Variants in ABLIM2 observed in about 807,000 individuals in gnomAD.
The protein encoded by ABLIM2 is actin-binding LIM protein 2.
ABLIM2 carries 53 observed loss-of-function variants against 97.7 expected under a neutral mutation model. The ratio of observed to expected loss-of-function variants is 0.54; its 90% CI spans 0.44 to 0.68. The LOEUF is 0.68. Among genes scored for constraint, ABLIM2 ranks in the 30% least tolerant of loss-of-function variants. The pLI is 0.00. For missense variants in ABLIM2, 835 were observed against 867.2 expected (o/e 0.96, Z 0.47); for synonymous variants, 361 against 345.8 (o/e 1.04, Z -0.49).
In ABLIM2 at chr4:8,158,796, C is replaced by G; in HGVS notation, c.-107G>C. ...CCTCCGCCCGCCCGCCGGCTCCGCG[C>G]CCGCTCCTTGCGCACACGCCAGGCA... On this transcript the variant is annotated 5_prime_UTR_variant, in exon 1 of 21. Transcript: ENST00000447017. 9.4e-7 allele frequency: 1 copy of G among 1,067,214 alleles called. No homozygotes were observed. Among genetic ancestry groups the G allele is most frequent in the Non-Finnish European group, 1.2e-6 (1 of 846,756 alleles). The allele number at this position is 1,067,214 out of a possible 1,614,324, so 66.1% of individuals were successfully genotyped here.
intron 8 of ABLIM2, among the ~76,000 whole-genome samples, chr4:8,049,837 C>T (rs913756687): frequency 4.6e-5 from 7 of 152,206 alleles, no homozygotes; most frequent in East Asian, 1.9e-4. Flanking sequence ...AAGCGATTCT[C>T]GTGCCTCAGC....
intron 2 of ABLIM2, among the ~76,000 whole-genome samples, chr4:8,105,494 C>T (rs1010935292): frequency 5.9e-5 from 9 of 152,182 alleles, no homozygotes; most frequent in South Asian, 2.1e-4. Context: ...GGATGGGGGC[C>T]GTGCAACGCC....
rs796877068 is a variant in ABLIM2, at chr4:8,003,561, C to CTTTTTTTT, written c.1618+4490_1618+4497dup. ...ACCACTACGCTCTTCTTCCAGTTTTCTTTTTTTTTTTTTTTTTTTTTGGAG... is the reference window on the plus strand; with the variant it reads ...ACCACTACGCTCTTCTTCCAGTTTTCTTTTTTTTTTTTTTTTTTTTTTTTTTTTTGGAG... On this transcript the variant is annotated intron_variant, in intron 16 of 20. Transcript: ENST00000447017. This position sits in a 1 kb window ranked among gnomAD's most constrained non-coding sequence, Gnocchi z 4.2. Among the ~76,000 whole-genome samples, 2 of 120,200 alleles carry CTTTTTTTT rather than the reference C, an allele frequency of 1.7e-5. No homozygotes were observed. Among genetic ancestry groups the CTTTTTTTT allele is most frequent in the Admixed American group, 8.6e-5 (1 of 11,664 alleles). 78.9% of individuals were successfully genotyped at this position (120,200 alleles called of 152,430 possible).
intron 4 of ABLIM2, among the ~76,000 whole-genome samples, chr4:8,081,374 C>A (rs1323723868): frequency 6.6e-6 from 1 of 152,204 alleles, no homozygotes; most frequent in Non-Finnish European, 1.5e-5. Context: ...GCCGTGCCTG[C>A]CCTGCTCACT....
intron 9 of ABLIM2, among the ~76,000 whole-genome samples, chr4:8,036,530 T>A (rs968503189): frequency 1.3e-5 from 2 of 151,924 alleles, no homozygotes; most frequent in South Asian, 2.1e-4. Context: ...TTGGGCAGAG[T>A]CTGAGCTCAC....
At chr4:7,978,169 G>A (rs141891730) in intron 20 of ABLIM2, among the ~76,000 whole-genome samples, 117 of 152,238 alleles carry the variant, frequency 7.7e-4, no homozygotes, top group African/African-American at 2.5e-3. Flanking sequence ...GGAGGTGGCC[G>A]CTCCTGCACC....
Position 8,094,460 on chromosome 4 carries a change from G to C in ABLIM2, c.338+2639C>G, listed in dbSNP as rs547901937. ...TTTTAAGGGCTCACAACTCTAAGGG[G>C]GTCTGCATGAGAAGGTCGTGATCGA... On this transcript the variant is annotated intron_variant, in intron 3 of 20. Transcript: ENST00000447017. Among the ~76,000 whole-genome samples, 72 of 152,288 alleles carry C rather than the reference G, an allele frequency of 4.7e-4. 1 individual carries two copies. The highest frequency in any genetic ancestry group is 1.7e-3 in the African/African-American group (69 of 41,550).
intron 3 of ABLIM2, among the ~76,000 whole-genome samples, chr4:8,092,719 C>T (rs766271025): frequency 6.6e-6 from 1 of 152,198 alleles, no homozygotes; most frequent in Non-Finnish European, 1.5e-5. Flanking sequence ...GCACAGCTCA[C>T]AAGTGCTCCT....
chr4:7,977,058 G>C (rs1734050525), intron 20 of ABLIM2, among the ~76,000 whole-genome samples: 1 of 152,146 alleles, frequency 6.6e-6, no homozygotes, highest in Admixed American at 6.5e-5. Flanking sequence ...TGTGGAGGGA[G>C]GGACCTGGTG....
chr4:8,107,015 C>A (rs1005904738), intron 1 of ABLIM2, among the ~76,000 whole-genome samples: 8 of 152,228 alleles, frequency 5.3e-5, no homozygotes, highest in Admixed American at 2.0e-4. Context: ...ACGACCTTAC[C>A]CTCAGGGGTC....
chr4:8,094,947 TCC>T (rs35491251), intron 3 of ABLIM2, among the ~76,000 whole-genome samples: 36,600 of 133,468 alleles, frequency 0.27, 4,872 homozygotes, highest in East Asian at 0.36. Context: ...CTTCCTTTCC[TCC>T]CTTCCTTTCC....
At chr4:8,026,045 T>G (rs1405661139) in intron 12 of ABLIM2, among the ~76,000 whole-genome samples, 1 of 152,196 alleles carries the variant, frequency 6.6e-6, no homozygotes, top group Non-Finnish European at 1.5e-5. Context: ...TCTTACTCTG[T>G]TGTCCAGGCT....
chr4:8,105,660 G>T (rs988214528), intron 2 of ABLIM2, among the ~76,000 whole-genome samples: 4 of 152,338 alleles, frequency 2.6e-5, no homozygotes, highest in Non-Finnish European at 5.9e-5. Context: ...CCGTCATACC[G>T]AACCCGCAGA....
At chr4:7,979,614 A>G (rs1293821668) in intron 20 of ABLIM2, among the ~76,000 whole-genome samples, 2 of 152,206 alleles carry the variant, frequency 1.3e-5, no homozygotes, top group Non-Finnish European at 2.9e-5. Flanking sequence ...GTTTTGTAAA[A>G]CGTTGTAAAT....
rs1160918066 is a variant in ABLIM2 at position 7,999,077 on chromosome 4, T to C, written c.1619-6150A>G. 6.6e-6 allele frequency among the ~76,000 whole-genome samples: 1 copy of C among 152,180 alleles called. No individual in the cohort carries two copies. ...GAGAATCACTGGTTTATTTATTTTA[T>C]TTTTTGAGACGGAGTTTTGTTCTTG... On this transcript the variant is annotated intron_variant, in intron 16 of 20. Transcript: ENST00000447017. The surrounding 1 kb of genome is among the most constrained non-coding windows in gnomAD (Gnocchi z 4.4).
intron 4 of ABLIM2, among the ~76,000 whole-genome samples, chr4:8,084,781 G>A (rs60981106): frequency 0.044 from 6,637 of 152,268 alleles, 278 homozygotes; most frequent in East Asian, 0.14. Context: ...TGCCGCCCAC[G>A]CCCCTGCTGG....
At chr4:7,968,950 T>C (rs1394808320) in intron 20 of ABLIM2, among the ~76,000 whole-genome samples, 1 of 150,498 alleles carries the variant, frequency 6.6e-6, no homozygotes, top group Non-Finnish European at 1.5e-5. Flanking sequence ...AGACCAGCCA[T>C]GGCAAACCCC....
chr4:8,104,982 C>T (rs1198990374), intron 2 of ABLIM2, among the ~76,000 whole-genome samples: 2 of 152,170 alleles, frequency 1.3e-5, no homozygotes, highest in South Asian at 2.1e-4. Flanking sequence ...CCCAGGAGAC[C>T]CTCAAGGCGC....
chr4:8,056,111 TCAAAAAAAAAA>T (rs1327606476), intron 7 of ABLIM2, among the ~76,000 whole-genome samples: 113 of 11,206 alleles, frequency 0.01, no homozygotes, highest in Admixed American at 0.072. Flanking sequence ...AGACTCTGTC[TCAAAAAAAAAA>T]AAAAAAAAAA....
Sources: allele counts gnomAD v4.1 joint callset (sites outside exome capture counted in the v4.1 genomes callset), GRCh38; gene constraint gnomAD v4.1.1; non-coding constraint Gnocchi (gnomAD v3.1); transcripts MANE v1.5; gene names NCBI Gene and HGNC (gene_info 2026-07-23, HGNC 2026-07-21).